The following NEGR1 variants were observed in gnomAD, a reference collection of about 807,000 sequenced individuals.
NEGR1 encodes the protein IgLON family member 4.
NEGR1 carries 10 observed loss-of-function variants against 40.9 expected under a neutral mutation model. That is an observed-to-expected ratio of 0.24 (90% confidence interval 0.15 to 0.42). The LOEUF (loss-of-function observed/expected upper bound fraction) is 0.42. Ranked by LOEUF, NEGR1 falls within the 10% of genes least tolerant of loss-of-function variation. NEGR1 has a pLI of 1.00. For missense variants in NEGR1, 352 were observed against 438.9 expected (o/e 0.80, Z 1.77); for synonymous variants, 185 against 166.8 (o/e 1.11, Z -0.84).
intron 2 of NEGR1, among the ~76,000 whole-genome samples, chr1:71,864,824 A>G (rs905710480): frequency 1.3e-5 from 2 of 152,176 alleles, no homozygotes; most frequent in African/African-American, 4.8e-5. Context: ...GGACATAAAT[A>G]TTATTATTCA....
At chr1:72,260,427 C>T (rs971670579) in intron 1 of NEGR1, among the ~76,000 whole-genome samples, 20 of 152,038 alleles carry the variant, frequency 1.3e-4, no homozygotes, top group African/African-American at 4.6e-4. Flanking sequence ...GCTTACTAAG[C>T]GCTTACTATG....
chr1:71,442,633 A>T (rs80205678), intron 6 of NEGR1, among the ~76,000 whole-genome samples: 22,494 of 152,154 alleles, frequency 0.15, 1,963 homozygotes, highest in Middle Eastern at 0.2. Context: ...ATAAATAAAT[A>T]AATTAATGAA....
At chr1:72,097,797 C>T (rs1396587406) in intron 1 of NEGR1, among the ~76,000 whole-genome samples, 1 of 152,186 alleles carries the variant, frequency 6.6e-6, no homozygotes, top group Non-Finnish European at 1.5e-5. Context: ...ATATTGGCCT[C>T]ACGTGTTGAC....
intron 6 of NEGR1, among the ~76,000 whole-genome samples, chr1:71,429,726 C>T (rs972070925): frequency 6.6e-6 from 1 of 152,168 alleles, no homozygotes. Context: ...TTTTAAAAAT[C>T]GCTGTTTTGT....
intron 6 of NEGR1, among the ~76,000 whole-genome samples, chr1:71,565,169 C>T (rs79545249): frequency 6.6e-6 from 1 of 152,232 alleles, no homozygotes; most frequent in African/African-American, 2.4e-5. Flanking sequence ...CCATGCTTCC[C>T]CAGCTTCAAG....
At chr1:71,929,578 T>C (rs1645835267) in intron 2 of NEGR1, among the ~76,000 whole-genome samples, 1 of 152,192 alleles carries the variant, frequency 6.6e-6, no homozygotes, top group Non-Finnish European at 1.5e-5. Flanking sequence ...TGTTTCAACA[T>C]CTGTAGCTCT....
chr1:71,707,552 C>T (rs955656991), intron 3 of NEGR1, among the ~76,000 whole-genome samples: 6 of 152,104 alleles, frequency 3.9e-5, no homozygotes, highest in African/African-American at 1.2e-4. Flanking sequence ...CAGTTTTGGA[C>T]CCACCCAGGG....
intron 4 of NEGR1, among the ~76,000 whole-genome samples, chr1:71,643,570 T>C (rs1478216389): frequency 2.6e-5 from 4 of 152,012 alleles, no homozygotes; most frequent in Admixed American, 1.3e-4. Context: ...GCAGGATGGA[T>C]AGAGGAATTA....
chr1:71,455,595 C>T (rs970749357), intron 6 of NEGR1, among the ~76,000 whole-genome samples: 4 of 152,218 alleles, frequency 2.6e-5, no homozygotes, highest in South Asian at 4.2e-4. Flanking sequence ...CGTGGTGGCA[C>T]GCACCTTTAG....
chr1:71,467,064 A>G (rs563393660), intron 6 of NEGR1, among the ~76,000 whole-genome samples: 13 of 152,266 alleles, frequency 8.5e-5, no homozygotes, highest in Middle Eastern at 3.4e-3. Flanking sequence ...GTCAACATTT[A>G]TGTAGCAATG....
intron 2 of NEGR1, among the ~76,000 whole-genome samples, chr1:71,815,951 A>G (rs910652993): frequency 2.6e-5 from 4 of 152,088 alleles, no homozygotes; most frequent in Admixed American, 6.6e-5. Flanking sequence ...CTTTTCCACT[A>G]TCAGTAAATA....
intron 6 of NEGR1, among the ~76,000 whole-genome samples, chr1:71,449,843 T>TTAGACCAC (rs1646612435): frequency 6.6e-6 from 1 of 152,178 alleles, no homozygotes; most frequent in Non-Finnish European, 1.5e-5. Context: ...CCACATTGTT[T>TTAGACCAC]AGTATGTTCT....
rs530625228 is a variant in NEGR1, at chr1:71,746,717, C to T, written c.535+29455G>A. Among the ~76,000 whole-genome samples the T allele has an allele frequency of 8.7e-5, 13 of 149,796 alleles. No homozygotes were observed. The South Asian group carries it at 1.9e-3, about 22-fold the overall frequency. ...AAAAGAATATTTATAAATATGTATA[C>T]GTATACACACACATACACACACATG... is the stretch of plus-strand genomic sequence containing the variant. On this transcript the variant is annotated intron_variant, in intron 3 of 6. Transcript: ENST00000357731.
At chr1:71,982,173 T>C (rs1393327180) in intron 1 of NEGR1, among the ~76,000 whole-genome samples, 1 of 152,200 alleles carries the variant, frequency 6.6e-6, no homozygotes, top group East Asian at 1.9e-4. Context: ...AGGAAATCTC[T>C]CTTTTTTTCA....
chr1:72,204,460 A>G (rs1653325036), intron 1 of NEGR1, among the ~76,000 whole-genome samples: 1 of 152,146 alleles, frequency 6.6e-6, no homozygotes, highest in South Asian at 2.1e-4. Context: ...TAGTCATCGT[A>G]TCAGTAGAAC....
In NEGR1 at chr1:71,816,099, T is replaced by A. The variant is rs536570792; in HGVS notation, c.410-39802A>T. ...TTACTTATTTAGGAAATGCAGAAGA[T>A]GCAGTAAAATTTAAGTATTTGCTTA... On this transcript the variant is annotated intron_variant, in intron 2 of 6. Transcript: ENST00000357731. 2.0e-5 allele frequency among the ~76,000 whole-genome samples: 3 copies of A among 152,196 alleles called. No individual in the cohort carries two copies. In the South Asian group the frequency reaches 6.2e-4, roughly 32 times the overall value.
At chr1:71,863,052 G>A (rs1050782080) in intron 2 of NEGR1, among the ~76,000 whole-genome samples, 10 of 152,078 alleles carry the variant, frequency 6.6e-5, no homozygotes, top group African/African-American at 2.4e-4. Context: ...ATTCCTCAAG[G>A]ACCTAGGAGC....
chr1:71,627,338 T>C (rs966531210), intron 4 of NEGR1, among the ~76,000 whole-genome samples: 1 of 152,078 alleles, frequency 6.6e-6, no homozygotes, highest in Non-Finnish European at 1.5e-5. Context: ...TATTATGCAA[T>C]ATCACATGTA....
chr1:72,206,266 T>C (rs1653393836), intron 1 of NEGR1, among the ~76,000 whole-genome samples: 1 of 152,032 alleles, frequency 6.6e-6, no homozygotes, highest in African/African-American at 2.4e-5. Flanking sequence ...GATGATTATA[T>C]TTGAGCCTTG....
Sources: gnomAD v4.1 joint callset for allele counts (sites outside exome capture counted in the v4.1 genomes callset) on GRCh38, gnomAD v4.1.1 for gene constraint, MANE v1.5 for transcripts, NCBI Gene and HGNC (gene_info 2026-07-23, HGNC 2026-07-21) for gene names.